Variants in COL4A6 observed in about 807,000 individuals in gnomAD.
COL4A6 encodes collagen alpha-6(IV) chain.
COL4A6 carries 59 observed loss-of-function variants against 126.7 expected under a neutral mutation model. That is an observed-to-expected ratio of 0.47 (90% confidence interval 0.38 to 0.58). The LOEUF (loss-of-function observed/expected upper bound fraction) is 0.58. COL4A6 is among the 20% of genes least tolerant of loss of function. The pLI is 0.00. For missense variants in COL4A6, 1,285 were observed against 1,337.3 expected, an observed-to-expected ratio of 0.96 and a Z score of 0.61; for synonymous variants, 547 against 496.6, an observed-to-expected ratio of 1.10 and a Z score of -1.35.
chrX:108,267,595 T>G (rs762132568), intron 3 of COL4A6: 2 of 112,600 alleles, frequency 1.8e-5, no homozygotes, highest in African/African-American at 6.4e-5. Flanking sequence ...AAGTGAGGAA[T>G]CATATAAAAC....
chrX:108,292,881 C>T (rs1158771560), intron 3 of COL4A6, among the ~76,000 whole-genome samples: 1 of 97,081 alleles, frequency 1.0e-5, no homozygotes, highest in South Asian at 5.4e-4. Context: ...CCCAGGTGTT[C>T]GAGGCTGCAG....
chrX:108,275,437 G>A (rs771479303), intron 3 of COL4A6, among the ~76,000 whole-genome samples: 6 of 112,118 alleles, frequency 5.4e-5, no homozygotes, highest in East Asian at 5.6e-4. Context: ...CCACTGCTTC[G>A]TTTCTGTTAA....
chrX:108,293,684 G>A (rs1193614888), intron 3 of COL4A6, among the ~76,000 whole-genome samples: 1 of 111,361 alleles, frequency 9.0e-6, no homozygotes, highest in African/African-American at 3.3e-5. Flanking sequence ...ACAAGTCCAG[G>A]TTATACTAGG....
At chrX:108,429,680 C>A (rs1056373500) in intron 2 of COL4A6, among the ~76,000 whole-genome samples, 4 of 111,412 alleles carry the variant, frequency 3.6e-5, no homozygotes, top group Non-Finnish European at 7.5e-5. Context: ...TTTCATTGAA[C>A]ACTCAAAAAG....
intron 32 of COL4A6, among the ~76,000 whole-genome samples, 178 bp downstream of exon 32, chrX:108,172,291 A>G (rs1209725115): frequency 2.0e-5 from 2 of 97,800 alleles, no homozygotes; most frequent in African/African-American, 7.5e-5. Flanking sequence ...CAGAGGTTGC[A>G]GTGAGCTGAG....
intron 3 of COL4A6, among the ~76,000 whole-genome samples, chrX:108,261,384 G>C (rs1000626252): frequency 9.0e-6 from 1 of 111,189 alleles, no homozygotes; most frequent in Non-Finnish European, 1.9e-5. Flanking sequence ...AGATGGTTTA[G>C]AGAAAGCTGC....
In COL4A6 at chrX:108,260,115, TTAA is replaced by T. The variant is rs1418902320; in HGVS notation, c.145-38744_145-38742del. Among the ~76,000 whole-genome samples, 70 of 110,098 alleles carry T rather than the reference TTAA, an allele frequency of 6.4e-4. 1 individual carries two copies. The highest frequency in any genetic ancestry group is 3.2e-3 in the Admixed American group (33 of 10,248). The stretch of plus-strand genomic sequence containing the variant: ...AATTATTTAGCTATAATACTAATAT[TTAA>T]TAATAATACTAATTATTTTCTATAT... On this transcript the variant is annotated intron_variant, in intron 3 of 44. Transcript: ENST00000334504.
Position 108,180,465 on chromosome X carries a change from AC to A in COL4A6, c.2131+49del, listed in dbSNP as rs755842468. ...CAAATACACACACACACACACACAC[AC>A]ACACATACACACAAAGAGAAGCAGG... On this transcript the variant is annotated intron_variant, in intron 25 of 44. Transcript: ENST00000334504. The A allele has an allele frequency of 3.9e-6, 4 of 1,019,012 alleles. No individual in the cohort carries two copies. The Admixed American group carries it at 9.7e-5, about 25-fold the overall frequency. 84.0% of individuals were successfully genotyped at this position (1,019,012 alleles called of 1,213,427 possible). A position where few individuals can be genotyped will look rare whatever the true frequency, so the allele number is the denominator to read the frequency against.
In COL4A6 at chrX:108,394,942, G is replaced by GT. The variant is rs753487554; in HGVS notation, c.63+42999dup. 1.7e-3 allele frequency among the ~76,000 whole-genome samples: 185 copies of GT among 105,897 alleles called. No homozygotes were observed. The East Asian group carries it at 0.035, about 20-fold the overall frequency. 92.0% of individuals were successfully genotyped at this position (105,897 alleles called of 115,157 possible). A position where few individuals can be genotyped will look rare whatever the true frequency, so the allele number is the denominator to read the frequency against. ...TTTATATATTAAGCAGAAGAGTTAA[G>GT]TTTTTTTTTTATATTTCATTGAATG... is the stretch of plus-strand genomic sequence containing the variant. On this transcript the variant is annotated intron_variant, in intron 2 of 44. Coordinates refer to ENST00000334504, the MANE Select transcript of COL4A6 (RefSeq NM_033641.4).
chrX:108,375,771 C>T (rs1179702627), intron 2 of COL4A6, among the ~76,000 whole-genome samples: 6 of 107,396 alleles, frequency 5.6e-5, no homozygotes, highest in African/African-American at 1.7e-4. Context: ...TTGATAAACA[C>T]AAAGTCAACA....
chrX:108,197,772 A>AGTGTGTGTGT lies in COL4A6; in HGVS notation c.835-1203_835-1194dup, dbSNP rs57928875. On this transcript the variant is annotated intron_variant, in intron 13 of 44. Transcript: ENST00000334504. ...TTTTCATTGTCTTTTTATTGGGAGG[A>AGTGTGTGTGT]GTGTGTGTGTGTGTGTGTGTGTGTG... Among the ~76,000 whole-genome samples, 182 of 87,240 alleles carry AGTGTGTGTGT rather than the reference A, an allele frequency of 2.1e-3. 2 individuals carry two copies. The highest frequency in any genetic ancestry group is 3.1e-3 in the Non-Finnish European group (139 of 44,505). The allele number at this position is 87,240 out of a possible 115,157, so 75.8% of individuals were successfully genotyped here.
intron 37 of COL4A6, among the ~76,000 whole-genome samples, chrX:108,166,188 C>T (rs2034123919): frequency 8.9e-6 from 1 of 112,675 alleles, no homozygotes. Context: ...AATTTTAATA[C>T]TGCTTTACAT....
At chrX:108,410,074 T>A (rs1289063855) in intron 2 of COL4A6, among the ~76,000 whole-genome samples, 4 of 111,625 alleles carry the variant, frequency 3.6e-5, no homozygotes, top group Non-Finnish European at 7.5e-5. Flanking sequence ...TGGAAAGTGA[T>A]CAGTATGTTT....
Position 108,193,669 on chromosome X carries a change from C to T in COL4A6, c.1031G>A (p.Gly344Asp). The T allele has an allele frequency of 2.5e-6, 3 of 1,209,260 alleles. No individual in the cohort carries two copies. Among genetic ancestry groups the T allele is most frequent in the Non-Finnish European group, 3.4e-6 (3 of 893,497 alleles). ...ATCTATATCGATGAAAACATCTGGG[C>T]CTGGCAGGCCAATGTCACCCTTTTG... ...EGQKGDIGLPGPDVFIDIDGA... is the reference protein window; with the variant it reads ...EGQKGDIGLPDPDVFIDIDGA... Residue 344 changes from glycine to aspartate, a missense_variant, in exon 17 of 45, where the codon GGC becomes GAC. Transcript: ENST00000334504.
intron 7 of COL4A6, among the ~76,000 whole-genome samples, 165 bp from the exon 8 acceptor site, chrX:108,210,169 G>T (rs1467364932): frequency 4.4e-5 from 5 of 112,639 alleles, no homozygotes; most frequent in African/African-American, 1.3e-4. Flanking sequence ...ATATTCGACT[G>T]TTTAGATTGT....
intron 3 of COL4A6, among the ~76,000 whole-genome samples, chrX:108,253,576 C>A (rs1273463285): frequency 8.9e-6 from 1 of 111,846 alleles, no homozygotes; most frequent in Admixed American, 9.5e-5. Flanking sequence ...TCTTTGTATC[C>A]ATACAGCCCA....
intron 3 of COL4A6, among the ~76,000 whole-genome samples, chrX:108,305,341 G>C (rs1474248552): frequency 1.8e-5 from 2 of 111,830 alleles, no homozygotes; most frequent in Middle Eastern, 4.2e-3. Flanking sequence ...TATTTGTCTT[G>C]TTTTGTTTTC....
intron 23 of COL4A6, among the ~76,000 whole-genome samples, chrX:108,184,419 C>A (rs1225826366): frequency 1.8e-5 from 2 of 111,643 alleles, no homozygotes; most frequent in Non-Finnish European, 3.8e-5. Context: ...GGTGGTGCTT[C>A]TGAGAGGTAA....
At chrX:108,191,759 C>T (rs2035051640) in intron 18 of COL4A6, among the ~76,000 whole-genome samples, 1 of 111,643 alleles carries the variant, frequency 9.0e-6, no homozygotes, top group Admixed American at 9.5e-5. Context: ...CAGCATTTCT[C>T]AGTGGCAAAC....
Sources: gnomAD v4.1 joint callset for allele counts (sites outside exome capture counted in the v4.1 genomes callset) on GRCh38, gnomAD v4.1.1 for gene constraint, MANE v1.5 for transcripts, NCBI Gene and HGNC (gene_info 2026-07-23, HGNC 2026-07-21) for gene names.